Variants in AHI1 observed in about 807,000 individuals in gnomAD.
AHI1 encodes jouberin.
AHI1 carries 123 observed loss-of-function variants against 149.3 expected under a neutral mutation model. The ratio of observed to expected loss-of-function variants is 0.82; its 90% CI spans 0.71 to 0.96. The LOEUF is 0.96. Ranked by LOEUF, AHI1 falls within the 40% of genes least tolerant of loss-of-function variation. The pLI is 0.00. For synonymous variants in AHI1, 475 were observed against 459.8 expected (o/e 1.03, Z -0.42); for missense variants, 1,439 against 1,422.7 (o/e 1.01, Z -0.18).
At chr6:135,486,893 A>G (rs9376107) in intron 5 of AHI1, among the ~76,000 whole-genome samples, 148,976 of 152,140 alleles carry the variant, frequency 0.98, 72,949 homozygotes, top group East Asian at 1. Flanking sequence ...TCAGCCTCCC[A>G]AGTAGCTAGG....
chr6:135,290,494 C>T lies in AHI1; in HGVS notation c.3517G>A (p.Asp1173Asn), dbSNP rs368322920. 6.8e-6 allele frequency: 11 copies of T among 1,613,736 alleles called. No homozygotes were observed. Among genetic ancestry groups the T allele is most frequent in the Non-Finnish European group, 8.5e-6 (10 of 1,179,830 alleles). ...SEMRKEQSHE[D>N]QGHIMDTRMR... is the part of the protein sequence containing the mutation. ...CGTGTATCCATTATGTGTCCTTGGT[C>T]CTCATGGCTCTGTTCTTTTCTCATT... is the stretch of plus-strand genomic sequence containing the variant. Residue 1173 changes from aspartate (D) to asparagine (N), a missense_variant, in exon 28 of 29, where the codon GAC becomes AAC. Physicochemically the swap from Asp to Asn is conservative, Grantham distance 23. Coordinates refer to ENST00000265602, the MANE Select transcript of AHI1 (RefSeq NM_001134831.2).
chr6:135,449,979 G>T (rs1787850151), intron 11 of AHI1, among the ~76,000 whole-genome samples: 1 of 152,194 alleles, frequency 6.6e-6, no homozygotes, highest in South Asian at 2.1e-4. Flanking sequence ...AGAGAGAGTA[G>T]CACGGATACT....
At chr6:135,460,284 C>A (rs1419820131) in intron 8 of AHI1, among the ~76,000 whole-genome samples, 3 of 152,210 alleles carry the variant, frequency 2.0e-5, no homozygotes, top group South Asian at 4.2e-4. Context: ...TATGTACCAG[C>A]AACAAATACA....
At chr6:135,396,126 G>C (rs917299660) in intron 22 of AHI1, among the ~76,000 whole-genome samples, 1 of 151,596 alleles carries the variant, frequency 6.6e-6, no homozygotes. Context: ...ATGTTAATAT[G>C]GTTTTAAAGT....
At position 135,296,571 on chromosome 6, in the gene AHI1, C is replaced by T. The variant is rs1429386958; in HGVS notation, c.3485+3929G>A. Among the ~76,000 whole-genome samples the T allele has an allele frequency of 2.0e-5, 3 of 152,178 alleles. No individual in the cohort carries two copies. In the South Asian group the frequency reaches 6.2e-4, roughly 32 times the overall value. ...TAACAGGTATGCTTCTGCTTCAGGG[C>T]CCGCTGCACTTGTGTTCTACATACT... On this transcript the variant is annotated intron_variant, in intron 27 of 28. Transcript: ENST00000265602.
chr6:135,477,202 G>A (rs535801021), intron 5 of AHI1, among the ~76,000 whole-genome samples: 48 of 151,746 alleles, frequency 3.2e-4, no homozygotes, highest in Non-Finnish European at 6.5e-4. Flanking sequence ...CACCACGCCC[G>A]GCTAATTTTT....
intron 20 of AHI1, among the ~76,000 whole-genome samples, chr6:135,424,200 A>G (rs1421942299): frequency 6.6e-6 from 1 of 152,068 alleles, no homozygotes; most frequent in Non-Finnish European, 1.5e-5. Context: ...CCAGGAGCAA[A>G]CTGCATTGAT....
chr6:135,399,361 T>G (rs755329803), intron 22 of AHI1, among the ~76,000 whole-genome samples: 6 of 152,192 alleles, frequency 3.9e-5, no homozygotes, highest in Non-Finnish European at 8.8e-5. Context: ...AGCACACAAC[T>G]GCAATCCATA....
rs1583468642 is a variant in AHI1, at chr6:135,482,917, A to T, written c.135+7706T>A. Reference sequence around the variant, plus strand: ...GGCTTTTTTTTTTTTTTTGAGACAGAGTCTCACTCTGTCACCTGAGCTGGA... The same window carrying T: ...GGCTTTTTTTTTTTTTTTGAGACAGTGTCTCACTCTGTCACCTGAGCTGGA... On this transcript the variant is annotated intron_variant, in intron 5 of 28. Coordinates refer to ENST00000265602, the MANE Select transcript of AHI1 (RefSeq NM_001134831.2). 2.9e-3 allele frequency among the ~76,000 whole-genome samples: 3 copies of T among 1,036 alleles called. 1 individual carries two copies. The highest frequency in any genetic ancestry group is 4.9e-3 in the Non-Finnish European group (2 of 406). The allele number at this position is 1,036 out of a possible 152,430, so 0.7% of individuals were successfully genotyped here. A position where few individuals can be genotyped will look rare whatever the true frequency, so the allele number is the denominator to read the frequency against.
chr6:135,307,174 T>A lies in AHI1; in HGVS notation c.3427-6616A>T, dbSNP rs868639447. 3 of 152,180 alleles carry A rather than the reference T, an allele frequency of 2.0e-5. No individual in the cohort carries two copies. In the South Asian group the frequency reaches 6.2e-4, roughly 32 times the overall value. 9.4% of individuals were successfully genotyped at this position (152,180 alleles called of 1,614,324 possible). ...TAATAAAAGCAAATTTGTTCCAACATGTTGAAACATCTTTTATTGTATGCA... is the reference window on the plus strand; with the variant it reads ...TAATAAAAGCAAATTTGTTCCAACAAGTTGAAACATCTTTTATTGTATGCA... On this transcript the variant is annotated intron_variant, in intron 26 of 28. Coordinates refer to ENST00000265602, the MANE Select transcript of AHI1 (RefSeq NM_001134831.2).
intron 8 of AHI1, among the ~76,000 whole-genome samples, chr6:135,461,272 T>G (rs1325638484): frequency 6.6e-6 from 1 of 152,048 alleles, no homozygotes; most frequent in African/African-American, 2.4e-5. Context: ...TGAATATATT[T>G]ACAAATGTCA....
chr6:135,456,893 C>CA (rs1789045819), intron 9 of AHI1, among the ~76,000 whole-genome samples: 2 of 152,288 alleles, frequency 1.3e-5, no homozygotes, highest in South Asian at 4.1e-4. Context: ...AAAGCATTTA[C>CA]AATGCAATAT....
At chr6:135,487,092 A>T (rs1022686681) in intron 5 of AHI1, among the ~76,000 whole-genome samples, 6 of 152,034 alleles carry the variant, frequency 3.9e-5, no homozygotes, top group African/African-American at 1.4e-4. Flanking sequence ...CTATTTTTGA[A>T]CCCACTTTTT....
intron 5 of AHI1, among the ~76,000 whole-genome samples, chr6:135,483,735 C>T (rs1396685837): frequency 6.6e-6 from 1 of 152,162 alleles, no homozygotes; most frequent in Non-Finnish European, 1.5e-5. Context: ...ATTTATCAAG[C>T]CCCTCTTATC....
At chr6:135,286,372 T>A (rs886110579) in intron 28 of AHI1, 1 of 152,284 alleles carries the variant, frequency 6.6e-6, no homozygotes, top group Non-Finnish European at 1.5e-5. Context: ...CAATCATTCA[T>A]ACAGCATTGA....
intron 24 of AHI1, among the ~76,000 whole-genome samples, chr6:135,353,169 A>G (rs1429165777): frequency 6.6e-6 from 1 of 152,186 alleles, no homozygotes; most frequent in Non-Finnish European, 1.5e-5. Flanking sequence ...ACGGAAGACT[A>G]CAAGTGGTTG....
chr6:135,363,904 C>T (rs1211613855), intron 23 of AHI1, among the ~76,000 whole-genome samples: 4 of 147,102 alleles, frequency 2.7e-5, no homozygotes, highest in East Asian at 2.0e-4. Flanking sequence ...TGACCCCCCC[C>T]ACCTCCCTCC....
At chr6:135,313,297 C>T (rs140465083) in intron 26 of AHI1, among the ~76,000 whole-genome samples, 11 of 152,188 alleles carry the variant, frequency 7.2e-5, no homozygotes, top group Admixed American at 2.0e-4. Context: ...TACTCTAACA[C>T]GTGGATTCAG....
Position 135,326,941 on chromosome 6 carries a change from C to A in AHI1, c.3166-3617G>T, listed in dbSNP as rs150444033. On this transcript the variant is annotated intron_variant, in intron 24 of 28. Transcript: ENST00000265602. ...ACTCTCCAATGTCCATTATACCTCTCTGTATGCCTTTGTGTAGCTTAGCTC... is the reference window on the plus strand; with the variant it reads ...ACTCTCCAATGTCCATTATACCTCTATGTATGCCTTTGTGTAGCTTAGCTC... Among the ~76,000 whole-genome samples, 5 of 152,294 alleles carry A rather than the reference C, an allele frequency of 3.3e-5. No homozygotes were observed. In the East Asian group the frequency reaches 9.6e-4, roughly 29 times the overall value.
Sources: gnomAD v4.1 joint callset for allele counts (sites outside exome capture counted in the v4.1 genomes callset) on GRCh38, gnomAD v4.1.1 for gene constraint, MANE v1.5 for transcripts, NCBI Gene and HGNC (gene_info 2026-07-23, HGNC 2026-07-21) for gene names.